PAM: variants seen among roughly 807,000 people sequenced by gnomAD.
PAM encodes peptidyl-glycine alpha-amidating monooxygenase.
PAM carries 72 observed loss-of-function variants against 122.1 expected under a neutral mutation model. The observed-to-expected ratio is 0.59, with a 90% CI of 0.49 to 0.72. The LOEUF (loss-of-function observed/expected upper bound fraction) is 0.72, where lower values mean the gene tolerates loss of function less well. Among genes scored for constraint, PAM ranks in the 30% least tolerant of loss-of-function variants. PAM has a pLI of 0.00. For synonymous variants in PAM, 389 were observed against 404.4 expected (o/e 0.96, Z 0.46); for missense variants, 1,106 against 1,183.7 (o/e 0.93, Z 0.96).
chr5:102,781,908 T>C (rs1485577930), intron 1 of PAM, among the ~76,000 whole-genome samples: 1 of 152,178 alleles, frequency 6.6e-6, no homozygotes, highest in Non-Finnish European at 1.5e-5. Flanking sequence ...TATAATCATC[T>C]CCCTTATGTA....
chr5:103,015,784 C>G (rs1411395772), intron 21 of PAM, among the ~76,000 whole-genome samples: 1 of 152,098 alleles, frequency 6.6e-6, no homozygotes, highest in East Asian at 1.9e-4. Flanking sequence ...ATTAGTGGCT[C>G]TCTCACTTGA....
At position 102,895,207 on chromosome 5, in the gene PAM, G is replaced by A. The variant is rs372095036; in HGVS notation, c.211-6149G>A. On this transcript the variant is annotated intron_variant, in intron 3 of 25. Coordinates refer to ENST00000438793, the MANE Select transcript of PAM (RefSeq NM_001177306.2). The stretch of plus-strand genomic sequence containing the variant: ...GGCCTTTGAAAATACTATTTCTTAC[G>A]CTAAAACATTGCCAACCCCCCTTGA... Among the ~76,000 whole-genome samples, 23 of 151,724 alleles carry A rather than the reference G, an allele frequency of 1.5e-4. No homozygotes were observed. The East Asian group carries it at 2.7e-3, about 18-fold the overall frequency.
chr5:102,950,415 G>GT (rs1491129406), intron 11 of PAM, among the ~76,000 whole-genome samples: 2,960 of 142,512 alleles, frequency 0.021, 89 homozygotes, highest in African/African-American at 0.076. Flanking sequence ...GTATGTGGGT[G>GT]GGTGTGTGTG....
At chr5:102,941,833 CAAAAAAAAAAAAAAAA>C (rs70990420) in intron 7 of PAM, among the ~76,000 whole-genome samples, 1 of 58,382 alleles carries the variant, frequency 1.7e-5, no homozygotes, top group East Asian at 8.8e-4. Flanking sequence ...CCAGATGGTA[CAAAAAAAAAAAAAAAA>C]AAAAAAAAAA....
At chr5:102,795,148 C>G (rs1763037582) in intron 1 of PAM, among the ~76,000 whole-genome samples, 1 of 124,002 alleles carries the variant, frequency 8.1e-6, no homozygotes, top group Admixed American at 1.1e-4. Context: ...CATGATGGCA[C>G]CACTGCACTC....
At position 102,959,984 on chromosome 5, in the gene PAM, A is replaced by G; in HGVS notation, c.1015A>G (p.Arg339Gly). The change falls in exon 13 of 26, where the codon AGA becomes GGA. Residue 339 changes from arginine (R) to glycine (G), a missense_variant. Coordinates refer to ENST00000438793, the MANE Select transcript of PAM (RefSeq NM_001177306.2). ...CCAGAATGTAGCTCCAGATATGTTCAGAACCATACCACCAGAGGCCAACAT... is the reference window on the plus strand; with the variant it reads ...CCAGAATGTAGCTCCAGATATGTTCGGAACCATACCACCAGAGGCCAACAT... ...CTQNVAPDMF[R>G]TIPPEANIPI... 1 of 1,612,470 alleles carries G rather than the reference A, an allele frequency of 6.2e-7. No individual in the cohort carries two copies. The highest frequency in any genetic ancestry group is 8.5e-7 in the Non-Finnish European group (1 of 1,178,604).
chr5:102,887,024 GCC>G (rs1283607674), intron 3 of PAM, among the ~76,000 whole-genome samples: 1 of 152,008 alleles, frequency 6.6e-6, no homozygotes, highest in African/African-American at 2.4e-5. Context: ...TATTCTCAGT[GCC>G]TTGCAGAGTG....
chr5:102,855,642 T>G (rs543884584), intron 1 of PAM, among the ~76,000 whole-genome samples: 22 of 152,264 alleles, frequency 1.4e-4, no homozygotes, highest in African/African-American at 5.1e-4. Context: ...CTGAAGTCGT[T>G]GGAAAGCATT....
At chr5:102,909,677 A>G (rs1031812688) in intron 4 of PAM, among the ~76,000 whole-genome samples, 4 of 151,906 alleles carry the variant, frequency 2.6e-5, no homozygotes, top group African/African-American at 7.2e-5. Flanking sequence ...ATTTTTACCA[A>G]GTTCCATAGG....
intron 1 of PAM, among the ~76,000 whole-genome samples, chr5:102,832,336 TC>T (rs1026033694): frequency 6.6e-6 from 1 of 152,056 alleles, no homozygotes; most frequent in African/African-American, 2.4e-5. Flanking sequence ...CATGTCCACT[TC>T]CTCCCAGTTA....
At chr5:102,909,792 CGATT>C (rs1162710146) in intron 4 of PAM, among the ~76,000 whole-genome samples, 1 of 151,746 alleles carries the variant, frequency 6.6e-6, no homozygotes, top group Non-Finnish European at 1.5e-5. Flanking sequence ...GTGTATAACA[CGATT>C]ACATTGGGAG....
intron 2 of PAM, 29 bp downstream of exon 2, chr5:102,866,313 G>A (rs1374458914): frequency 2.2e-6 from 3 of 1,375,686 alleles, no homozygotes; most frequent in Admixed American, 1.7e-5. Context: ...GGTGCTTTCT[G>A]TGCATGCTGT....
intron 3 of PAM, among the ~76,000 whole-genome samples, chr5:102,880,528 G>T (rs187932408): frequency 6.6e-6 from 1 of 152,186 alleles, no homozygotes; most frequent in Non-Finnish European, 1.5e-5. Context: ...ATGATGTCAT[G>T]GAAGACTTAG....
chr5:102,798,227 A>G (rs1282655998), intron 1 of PAM, among the ~76,000 whole-genome samples: 1 of 152,182 alleles, frequency 6.6e-6, no homozygotes, highest in Non-Finnish European at 1.5e-5. Flanking sequence ...TCAGTGCCCA[A>G]AGTACCTCGT....
intron 1 of PAM, among the ~76,000 whole-genome samples, chr5:102,789,721 G>T (rs911864080): frequency 6.6e-6 from 1 of 152,030 alleles, no homozygotes. Context: ...TGGTGGTAAT[G>T]GTTGTGCAAC....
At chr5:102,974,048 ACC>A in intron 14 of PAM, 66 bp from the exon 15 acceptor site, 2 of 1,037,980 alleles carry the variant, frequency 1.9e-6, no homozygotes, top group Non-Finnish European at 2.8e-6. Flanking sequence ...TTTTTAAAGC[ACC>A]AAATTTTGTA....
chr5:102,834,718 T>A (rs1776448437), intron 1 of PAM, among the ~76,000 whole-genome samples: 1 of 152,036 alleles, frequency 6.6e-6, no homozygotes, highest in South Asian at 2.1e-4. Flanking sequence ...GGAGCCTGCC[T>A]GTGAAAAGAA....
At chr5:102,874,400 TTCC>T (rs1284252358) in intron 3 of PAM, among the ~76,000 whole-genome samples, 3 of 152,316 alleles carry the variant, frequency 2.0e-5, no homozygotes, top group Non-Finnish European at 4.4e-5. Flanking sequence ...ATTATGATAC[TTCC>T]TCTTTATTTT....
At chr5:102,968,667 T>A (rs1277677833) in intron 14 of PAM, among the ~76,000 whole-genome samples, 1 of 152,180 alleles carries the variant, frequency 6.6e-6, no homozygotes. Flanking sequence ...TTAAAAAGTA[T>A]TCTAGTTTGA....
Sources: gnomAD v4.1 joint callset for allele counts (sites outside exome capture counted in the v4.1 genomes callset) on GRCh38, gnomAD v4.1.1 for gene constraint, MANE v1.5 for transcripts, NCBI Gene and HGNC (gene_info 2026-07-23, HGNC 2026-07-21) for gene names.